Variants in GRIN2A observed in about 807,000 individuals in gnomAD.
The protein encoded by GRIN2A is glutamate receptor ionotropic, NMDA 2A.
GRIN2A carries 22 observed loss-of-function variants against 113.4 expected under a neutral mutation model. That is an observed-to-expected ratio of 0.19 (90% CI 0.14 to 0.28). GRIN2A has a LOEUF of 0.28. Among genes scored for constraint, GRIN2A ranks in the 10% least tolerant of loss-of-function variants. The pLI is 1.00. For missense variants in GRIN2A, 1,502 were observed against 1,887.0 expected, an observed-to-expected ratio of 0.80 and a Z score of 3.78; for synonymous variants, 827 against 738.4, an observed-to-expected ratio of 1.12 and a Z score of -1.94.
chr16:10,065,571 A>G (rs1045531369), intron 2 of GRIN2A, among the ~76,000 whole-genome samples: 7 of 152,206 alleles, frequency 4.6e-5, no homozygotes, highest in African/African-American at 1.7e-4. Flanking sequence ...CAATTTTCTT[A>G]TCTCTAAAAT....
intron 2 of GRIN2A, among the ~76,000 whole-genome samples, chr16:10,138,098 C>A (rs1216186509): frequency 6.6e-6 from 1 of 152,186 alleles, no homozygotes; most frequent in Non-Finnish European, 1.5e-5. Flanking sequence ...GTGGGCATGG[C>A]ACTTTCCTCT....
chr16:10,075,394 A>G (rs1309689821), intron 2 of GRIN2A, among the ~76,000 whole-genome samples: 3 of 151,990 alleles, frequency 2.0e-5, no homozygotes, highest in Admixed American at 2.0e-4. Flanking sequence ...AAAATAGGCA[A>G]ATTTATAGAG....
chr16:9,851,919 T>C (rs1050625635), intron 4 of GRIN2A, among the ~76,000 whole-genome samples: 1 of 152,244 alleles, frequency 6.6e-6, no homozygotes, highest in African/African-American at 2.4e-5. Context: ...TATTTTACTA[T>C]TGTTGTTAAC....
At chr16:10,069,726 C>T (rs2047714888) in intron 2 of GRIN2A, among the ~76,000 whole-genome samples, 1 of 152,262 alleles carries the variant, frequency 6.6e-6, no homozygotes, top group Admixed American at 6.5e-5. Context: ...ATGCCCAGCC[C>T]AGGCTGGGAG....
intron 2 of GRIN2A, among the ~76,000 whole-genome samples, chr16:9,990,515 C>T (rs1471464393): frequency 6.6e-6 from 1 of 151,584 alleles, no homozygotes; most frequent in Middle Eastern, 3.2e-3. Flanking sequence ...AACAAACCTG[C>T]ACACGCACCC....
intron 2 of GRIN2A, among the ~76,000 whole-genome samples, chr16:9,945,274 T>C (rs1036045534): frequency 2.0e-5 from 3 of 152,044 alleles, no homozygotes; most frequent in African/African-American, 7.2e-5. Context: ...ATCTGCTACA[T>C]TGGAGCTGAT....
At chr16:9,834,302 A>G in intron 7 of GRIN2A, 72 bp from the exon 8 acceptor site, 1 of 1,491,194 alleles carries the variant, frequency 6.7e-7, no homozygotes, top group Non-Finnish European at 9.4e-7. Context: ...GGAAGCCCAG[A>G]CATCCATTTG....
chr16:9,871,319 C>A (rs2043256311), intron 4 of GRIN2A, among the ~76,000 whole-genome samples: 1 of 151,458 alleles, frequency 6.6e-6, no homozygotes, highest in Non-Finnish European at 1.5e-5. Context: ...TATATTCATA[C>A]ATATGCAGGA....
At chr16:10,014,248 C>T (rs528221962) in intron 2 of GRIN2A, among the ~76,000 whole-genome samples, 1 of 152,214 alleles carries the variant, frequency 6.6e-6, no homozygotes, top group Non-Finnish European at 1.5e-5. Context: ...ATACCTTCCC[C>T]TTCTCAACCT....
chr16:9,793,567 T>C (rs1364581177), intron 11 of GRIN2A, among the ~76,000 whole-genome samples: 1 of 151,996 alleles, frequency 6.6e-6, no homozygotes, highest in East Asian at 1.9e-4. Context: ...CAATAAAGAG[T>C]TGCTGGTTGC....
chr16:10,087,915 T>TC (rs58293043), intron 2 of GRIN2A, among the ~76,000 whole-genome samples: 138,706 of 148,396 alleles, frequency 0.93, 65,578 homozygotes, highest in East Asian at 1. Context: ...GGTCTCGAAC[T>TC]CTGGGCTCAA....
Position 10,180,519 on chromosome 16 carries a change from A to G in GRIN2A, c.-18-90T>C. ...AACTTGGCTTCCTGCTCTAGGAGCC[A>G]GGCATGGAACTCAGCAGCAGGATAG... is the stretch of plus-strand genomic sequence containing the variant. On this transcript the variant is annotated intron_variant, in intron 1 of 12. Coordinates refer to ENST00000330684, the MANE Select transcript of GRIN2A (RefSeq NM_001134407.3). This position sits in a 1 kb window ranked among gnomAD's most constrained non-coding sequence, Gnocchi z 7.0. 6.5e-7 allele frequency: 1 copy of G among 1,531,452 alleles called. No individual in the cohort carries two copies. Among genetic ancestry groups the G allele is most frequent in the South Asian group, 1.2e-5 (1 of 82,942 alleles). 94.9% of individuals were successfully genotyped at this position (1,531,452 alleles called of 1,614,324 possible). A position where few individuals can be genotyped will look rare whatever the true frequency, so the allele number is the denominator to read the frequency against.
chr16:10,091,935 G>A (rs370335388), intron 2 of GRIN2A, among the ~76,000 whole-genome samples: 3 of 152,122 alleles, frequency 2.0e-5, no homozygotes, highest in African/African-American at 7.2e-5. Context: ...AAATTTATTT[G>A]GGGTGATGGT....
At chr16:10,142,414 T>C (rs2049345673) in intron 2 of GRIN2A, among the ~76,000 whole-genome samples, 1 of 152,280 alleles carries the variant, frequency 6.6e-6, no homozygotes, top group South Asian at 2.1e-4. Flanking sequence ...CCAACGAAAG[T>C]GACCAGGCAT....
chr16:9,825,290 T>C (rs1004028356), intron 9 of GRIN2A, among the ~76,000 whole-genome samples: 1 of 152,356 alleles, frequency 6.6e-6, no homozygotes, highest in Admixed American at 6.5e-5. Context: ...AATCTTATAG[T>C]GTTTGAAAGA....
At chr16:10,081,984 T>G (rs528378316) in intron 2 of GRIN2A, among the ~76,000 whole-genome samples, 36 of 152,220 alleles carry the variant, frequency 2.4e-4, no homozygotes, top group African/African-American at 2.4e-5. Context: ...TGTCAACTTA[T>G]AGAACCCTTA....
At chr16:10,114,332 G>C (rs975516167) in intron 2 of GRIN2A, among the ~76,000 whole-genome samples, 1 of 152,226 alleles carries the variant, frequency 6.6e-6, no homozygotes, top group Non-Finnish European at 1.5e-5. Context: ...ACTCAAGAGA[G>C]AGTTGAAGAG....
chr16:10,066,311 T>G (rs1198199788), intron 2 of GRIN2A, among the ~76,000 whole-genome samples: 1 of 152,200 alleles, frequency 6.6e-6, no homozygotes, highest in Non-Finnish European at 1.5e-5. Flanking sequence ...GGCTCCTTCC[T>G]GGAGTCTAAT....
intron 3 of GRIN2A, among the ~76,000 whole-genome samples, chr16:9,933,652 A>G (rs1169108021): frequency 6.6e-6 from 1 of 152,232 alleles, no homozygotes; most frequent in Non-Finnish European, 1.5e-5. Context: ...CTGGGCTTCT[A>G]TTGAACAAGC....
Sources: gnomAD v4.1 joint callset for allele counts (sites outside exome capture counted in the v4.1 genomes callset) on GRCh38, gnomAD v4.1.1 for gene constraint, Gnocchi (gnomAD v3.1) non-coding constraint, MANE v1.5 for transcripts, NCBI Gene and HGNC (gene_info 2026-07-23, HGNC 2026-07-21) for gene names.